Variants in DSC2 observed in about 807,000 individuals in gnomAD.
DSC2 encodes desmocollin-2.
Under a neutral mutation model 87.6 loss-of-function variants are expected in DSC2, and 51 were observed. That is an observed-to-expected ratio of 0.58 (90% CI 0.46 to 0.74). The LOEUF (loss-of-function observed/expected upper bound fraction) is 0.74, where lower values mean the gene tolerates loss of function less well. Ranked by LOEUF, DSC2 falls within the 30% of genes least tolerant of loss-of-function variation. The pLI is 0.00. For synonymous variants in DSC2, 383 were observed against 393.2 expected, an observed-to-expected ratio of 0.97 and a Z score of 0.31; for missense variants, 1,066 against 1,089.5, an observed-to-expected ratio of 0.98 and a Z score of 0.30.
In DSC2 at chr18:31,070,648, G is replaced by C; in HGVS notation, c.2250+78C>G. The C allele has an allele frequency of 5.0e-6, 8 of 1,599,420 alleles. No homozygotes were observed. In the South Asian group the frequency reaches 8.9e-5, roughly 18 times the overall value. The stretch of plus-strand genomic sequence containing the variant: ...CCTGATACCAAAAGAACTTTTCTGA[G>C]AAAAGATCATTTTAGAAGGAATACG... On this transcript the variant is annotated intron_variant, in intron 14 of 15. Coordinates refer to ENST00000280904, the MANE Select transcript of DSC2 (RefSeq NM_024422.6).
chr18:31,068,298 C>T (rs560893576), intron 15 of DSC2, 86 bp from the exon 16 acceptor site: 3 of 1,613,410 alleles, frequency 1.9e-6, no homozygotes, highest in Admixed American at 3.3e-5. Flanking sequence ...CTTTGATTTA[C>T]CTTTCATTGT....
Position 31,071,285 on chromosome 18 carries a change from G to T in DSC2, c.2125+320C>A, listed in dbSNP as rs556142561. 1.2e-4 allele frequency among the ~76,000 whole-genome samples: 19 copies of T among 152,096 alleles called. No individual in the cohort carries two copies. The South Asian group carries it at 3.7e-3, about 30-fold the overall frequency. On this transcript the variant is annotated intron_variant, in intron 13 of 15. Coordinates refer to ENST00000280904, the MANE Select transcript of DSC2 (RefSeq NM_024422.6). ...AAAGTTGCCAGGTGTGTTGACTCAC[G>T]CCTGTAATCCCAGCACTTTGAGAGG... is the stretch of plus-strand genomic sequence containing the variant.
At chr18:31,101,576 T>TCCCGCCCCGGCGCACC (rs1567987048) in intron 1 of DSC2, 1 of 306,930 alleles carries the variant, frequency 3.3e-6, no homozygotes, top group African/African-American at 2.7e-5. Context: ...CCCGGCGCAC[T>TCCCGCCCCGGCGCACC]CCCGCCCCGG....
Position 31,068,129 on chromosome 18 carries a change from C to T in DSC2, c.2592G>A (p.Ser864=), listed in dbSNP as rs1241309506. 4 of 1,613,934 alleles carry T rather than the reference C, an allele frequency of 2.5e-6. No homozygotes were observed. Among genetic ancestry groups the T allele is most frequent in the East Asian group, 2.2e-5 (1 of 44,868 alleles). The change falls in exon 16 of 16, where the codon TCG becomes TCA. Residue 864 remains serine, a synonymous_variant. Transcript: ENST00000280904. ...VLTYNYEGRG[S]VAGSVGCCSE... ...TGCAACAACCTACAGACCCAGCCAC[C>T]GATCCTCTTCCTTCATAGTTATATG...
intron 1 of DSC2, among the ~76,000 whole-genome samples, chr18:31,098,217 C>T (rs1048283528): frequency 2.6e-5 from 4 of 152,076 alleles, no homozygotes; most frequent in Admixed American, 1.3e-4. Context: ...AACTAGGCCT[C>T]GTGGGCTCCA....
chr18:31,094,633 A>G (rs539635416), intron 1 of DSC2, among the ~76,000 whole-genome samples: 1 of 152,236 alleles, frequency 6.6e-6, no homozygotes. Flanking sequence ...TGTTACTTAC[A>G]AAGTTTATAA....
chr18:31,074,906 T>C lies in DSC2; in HGVS notation c.1665A>G (p.Gly555=). 6.2e-7 allele frequency: 1 copy of C among 1,612,582 alleles called. No homozygotes were observed. Among genetic ancestry groups the C allele is most frequent in the Non-Finnish European group, 8.5e-7 (1 of 1,179,276 alleles). ...YNITVLASDQ[G]GRTCTGTLGI... is the part of the protein sequence containing the mutation. The stretch of plus-strand genomic sequence containing the variant: ...CCAGTGTCCCCGTACATGTTCTCCC[T>C]CCTAGAAAAATGAAAATAAAAATAG... Residue 555 remains glycine, a splice_region_variant and synonymous_variant, in exon 12 of 16, where the codon GGA becomes GGG. Transcript: ENST00000280904.
rs552833436 is a variant in DSC2 at position 31,082,336 on chromosome 18, A to T, written c.1165T>A (p.Trp389Arg). 6.2e-7 allele frequency: 1 copy of T among 1,613,984 alleles called. No homozygotes were observed. Among genetic ancestry groups the T allele is most frequent in the Non-Finnish European group, 8.5e-7 (1 of 1,179,988 alleles). ...EDKDLVNTANWRANYTILKGN... is the reference protein window; with the variant it reads ...EDKDLVNTANRRANYTILKGN... ...TTTAAAATGGTATAATTAGCTCTCC[A>T]GTTAGCAGTATTCACTAAGTCCTTA... The change falls in exon 9 of 16, where the codon TGG (tryptophan) becomes AGG (arginine). Residue 389 changes from tryptophan (W) to arginine (R), a missense_variant. Transcript: ENST00000280904.
In DSC2 at chr18:31,102,065, C is replaced by G. The variant is rs1032949140; in HGVS notation, c.-94G>C. 12 of 1,141,966 alleles carry G rather than the reference C, an allele frequency of 1.1e-5. No homozygotes were observed. The highest frequency in any genetic ancestry group is 6.0e-4 in the Middle Eastern group (2 of 3,308). The allele number at this position is 1,141,966 out of a possible 1,614,324, so 70.7% of individuals were successfully genotyped here. ...CCGCGGCCGGAGCGCAGTCTGGGCC[C>G]GCTGCTCAGGAGGAGCGCGAGGCGG... On this transcript the variant is annotated 5_prime_UTR_variant, in exon 1 of 16. Coordinates refer to ENST00000280904, the MANE Select transcript of DSC2 (RefSeq NM_024422.6).
intron 12 of DSC2, among the ~76,000 whole-genome samples, chr18:31,074,254 G>T (rs1986928338): frequency 6.6e-6 from 1 of 152,120 alleles, no homozygotes; most frequent in Non-Finnish European, 1.5e-5. Context: ...TTCTGCTTGA[G>T]ATGCCCTGCC....
At chr18:31,068,672 C>T (rs1009616740) in intron 15 of DSC2, among the ~76,000 whole-genome samples, 3 of 151,978 alleles carry the variant, frequency 2.0e-5, no homozygotes, top group African/African-American at 7.3e-5. Context: ...AATCTCATCA[C>T]ACATTATTTA....
chr18:31,071,523 GCT>G (rs1986825669), intron 13 of DSC2, 80 bp downstream of exon 13: 5 of 1,272,258 alleles, frequency 3.9e-6, no homozygotes, highest in Admixed American at 1.7e-5. Context: ...TCCAGCCTGG[GCT>G]CTGTCTCAAA....
chr18:31,067,988 G>T lies in DSC2; in HGVS notation c.*27C>A, dbSNP rs1302275885. The stretch of plus-strand genomic sequence containing the variant: ...TTTTTTTAAAAGTCATAAAGCCACT[G>T]GCTTTCAGAGACTTATTAGAACACA... On this transcript the variant is annotated 3_prime_UTR_variant, in exon 16 of 16. Coordinates refer to ENST00000280904, the MANE Select transcript of DSC2 (RefSeq NM_024422.6). 1 of 1,609,380 alleles carries T rather than the reference G, an allele frequency of 6.2e-7. No homozygotes were observed. Among genetic ancestry groups the T allele is most frequent in the Admixed American group, 1.7e-5 (1 of 59,970 alleles).
intron 12 of DSC2, 48 bp from the exon 13 acceptor site, chr18:31,071,889 T>A (rs746747801): frequency 9.4e-6 from 14 of 1,490,762 alleles, no homozygotes; most frequent in Non-Finnish European, 1.3e-5. Flanking sequence ...TGTCACTGAT[T>A]TCTTCTGAAC....
At chr18:31,084,996 T>C (rs80151338) in intron 7 of DSC2, among the ~76,000 whole-genome samples, 8,214 of 152,154 alleles carry the variant, frequency 0.054, 282 homozygotes, top group African/African-American at 0.097. Flanking sequence ...ACTGGTAAAA[T>C]GGTCACTCAA....
In DSC2 at chr18:31,087,707, T is replaced by C. The variant is rs1057524741; in HGVS notation, c.737A>G (p.Glu246Gly). 1 of 1,613,606 alleles carries C rather than the reference T, an allele frequency of 6.2e-7. No homozygotes were observed. Among genetic ancestry groups the C allele is most frequent in the Non-Finnish European group, 8.5e-7 (1 of 1,179,866 alleles). Residue 246 changes from glutamate to glycine, a missense_variant, in exon 6 of 16, where the codon GAA becomes GGA. Coordinates refer to ENST00000280904, the MANE Select transcript of DSC2 (RefSeq NM_024422.6). ...ENDNYPIFTE[E>G]TYTFTIFENC... ...TTCAAAAATTGTAAAAGTATAAGTT[T>C]CTTCTGTAAAAATTGGGTAGTTATC...
chr18:31,087,446 A>G (rs1598587043), intron 6 of DSC2, among the ~76,000 whole-genome samples: 1 of 152,180 alleles, frequency 6.6e-6, no homozygotes, highest in Non-Finnish European at 1.5e-5. Context: ...CTTCATAACA[A>G]TCTGGCATAC....
Position 31,102,056 on chromosome 18 carries a change from G to T in DSC2, c.-85C>A. ...GGGCGAGGGCCGCGGCCGGAGCGCA[G>T]TCTGGGCCCGCTGCTCAGGAGGAGC... On this transcript the variant is annotated 5_prime_UTR_variant, in exon 1 of 16. The change creates a new upstream start codon in the 5' untranslated region. Transcript: ENST00000280904. 3 of 1,195,942 alleles carry T rather than the reference G, an allele frequency of 2.5e-6. No homozygotes were observed. Among genetic ancestry groups the T allele is most frequent in the Non-Finnish European group, 3.3e-6 (3 of 912,050 alleles). The allele number at this position is 1,195,942 out of a possible 1,614,324, so 74.1% of individuals were successfully genotyped here. A position where few individuals can be genotyped will look rare whatever the true frequency, so the allele number is the denominator to read the frequency against.
At chr18:31,075,619 G>A (rs986419962) in intron 11 of DSC2, among the ~76,000 whole-genome samples, 7 of 152,198 alleles carry the variant, frequency 4.6e-5, no homozygotes, top group South Asian at 2.1e-4. Flanking sequence ...GGGAAGCCGA[G>A]GTGGGCAGAT....
Sources: gnomAD v4.1 joint callset for allele counts (sites outside exome capture counted in the v4.1 genomes callset) on GRCh38, gnomAD v4.1.1 for gene constraint, MANE v1.5 for transcripts, NCBI Gene and HGNC (gene_info 2026-07-23, HGNC 2026-07-21) for gene names.